Variants in ADAMTSL1 observed in about 807,000 individuals in gnomAD.
The protein encoded by ADAMTSL1 is ADAMTS-like protein 1.
Under a neutral mutation model 201.8 loss-of-function variants are expected in ADAMTSL1, and 126 were observed. That is an observed-to-expected ratio of 0.62 (90% CI 0.54 to 0.72). ADAMTSL1 has a LOEUF of 0.72. Ranked by LOEUF, ADAMTSL1 falls within the 30% of genes least tolerant of loss-of-function variation. The probability of loss-of-function intolerance (pLI) is 0.00; values close to 1 mark genes in which losing one functional copy is unlikely to be tolerated. For synonymous variants in ADAMTSL1, 1,121 were observed against 903.4 expected, an observed-to-expected ratio of 1.24 and a Z score of -4.32; for missense variants, 2,679 against 2,277.8, an observed-to-expected ratio of 1.18 and a Z score of -3.59.
chr9:18,030,814 G>A (rs1820919745), intron 1 of ADAMTSL1, among the ~76,000 whole-genome samples: 1 of 151,890 alleles, frequency 6.6e-6, no homozygotes, highest in Admixed American at 6.6e-5. Flanking sequence ...TCATAGGTTT[G>A]ATCTCTTTAC....
chr9:17,947,312 T>C (rs62550009), intron 1 of ADAMTSL1, among the ~76,000 whole-genome samples: 2,351 of 143,358 alleles, frequency 0.016, 41 homozygotes, highest in Middle Eastern at 0.04. Context: ...TATACACACA[T>C]ACACACACAC....
At chr9:18,166,676 C>T (rs10963485) in intron 2 of ADAMTSL1, among the ~76,000 whole-genome samples, 1 of 151,732 alleles carries the variant, frequency 6.6e-6, no homozygotes, top group African/African-American at 2.4e-5. Flanking sequence ...AACACCATGT[C>T]TCACTCCAGG....
At chr9:18,520,620 GTTAGTGCCTCTGGCACA>G (rs1818633622) in intron 2 of ADAMTSL1, among the ~76,000 whole-genome samples, 1 of 152,180 alleles carries the variant, frequency 6.6e-6, no homozygotes, top group Non-Finnish European at 1.5e-5. Flanking sequence ...CTAGGGCCTT[GTTAGTGCCTCTGGCACA>G]CTGGGATGAG....
rs1333252553 is a variant in ADAMTSL1, at chr9:18,909,764, C to G, written c.*1216C>G. On this transcript the variant is annotated 3_prime_UTR_variant, in exon 29 of 29. Coordinates refer to ENST00000380548, the MANE Select transcript of ADAMTSL1 (RefSeq NM_001040272.6). ...CGTGTCCACAGTACACCCTCCCTCTCCCAGCCTCCACCCCAGGGTCTGCAG... is the reference window on the plus strand; with the variant it reads ...CGTGTCCACAGTACACCCTCCCTCTGCCAGCCTCCACCCCAGGGTCTGCAG... The G allele has an allele frequency of 6.6e-6, 1 of 152,276 alleles. No individual in the cohort carries two copies. The highest frequency in any genetic ancestry group is 1.5e-5 in the Non-Finnish European group (1 of 68,118). The allele number at this position is 152,276 out of a possible 1,614,324, so 9.4% of individuals were successfully genotyped here.
chr9:18,758,349 G>A (rs1819886726), intron 16 of ADAMTSL1, among the ~76,000 whole-genome samples: 1 of 152,214 alleles, frequency 6.6e-6, no homozygotes, highest in South Asian at 2.1e-4. Context: ...CAGTTCATCT[G>A]TACGTTGGCT....
At chr9:17,982,995 G>A (rs1194772114) in intron 1 of ADAMTSL1, among the ~76,000 whole-genome samples, 1 of 150,876 alleles carries the variant, frequency 6.6e-6, no homozygotes, top group Non-Finnish European at 1.5e-5. Flanking sequence ...TTAGATTGGG[G>A]CTAGGCATTA....
chr9:18,771,760 G>A (rs1290846001), intron 17 of ADAMTSL1, among the ~76,000 whole-genome samples: 3 of 132,282 alleles, frequency 2.3e-5, no homozygotes, highest in African/African-American at 8.8e-5. Context: ...ACAGGAGGGA[G>A]CTGCTGCTGC....
At chr9:18,393,245 A>T (rs1228327211) in intron 2 of ADAMTSL1, among the ~76,000 whole-genome samples, 1 of 152,208 alleles carries the variant, frequency 6.6e-6, no homozygotes, top group South Asian at 2.1e-4. Flanking sequence ...GGGGTTTTTT[A>T]AATTAGAATT....
chr9:18,206,953 T>G (rs1381849163), intron 2 of ADAMTSL1, among the ~76,000 whole-genome samples: 1 of 151,730 alleles, frequency 6.6e-6, no homozygotes, highest in Admixed American at 6.6e-5. Context: ...TCACCTGAGG[T>G]CAGGAGTTTG....
chr9:18,210,822 T>C (rs981889360), intron 2 of ADAMTSL1, among the ~76,000 whole-genome samples: 1 of 151,868 alleles, frequency 6.6e-6, no homozygotes. Flanking sequence ...TTTCTTTAAA[T>C]AGTAATTGAG....
chr9:18,239,406 T>A (rs556136855), intron 2 of ADAMTSL1, among the ~76,000 whole-genome samples: 1 of 152,266 alleles, frequency 6.6e-6, no homozygotes, highest in South Asian at 2.1e-4. Flanking sequence ...TTCAAGAGAC[T>A]TCACAGCATC....
chr9:18,626,925 TCTTTCTTTCTTTC>T (rs1298362408), intron 5 of ADAMTSL1, among the ~76,000 whole-genome samples: 1 of 150,016 alleles, frequency 6.7e-6, no homozygotes, highest in African/African-American at 2.5e-5. Flanking sequence ...TTTTTCTTTT[TCTTTCTTTCTTTC>T]CTTTCTTTCT....
chr9:18,295,546 G>T (rs1833444461), intron 2 of ADAMTSL1, among the ~76,000 whole-genome samples: 1 of 151,982 alleles, frequency 6.6e-6, no homozygotes, highest in Admixed American at 6.6e-5. Flanking sequence ...CACCATTTTG[G>T]CCAGGATGGT....
At chr9:18,695,966 G>A (rs1382779125) in intron 13 of ADAMTSL1, among the ~76,000 whole-genome samples, 3 of 152,200 alleles carry the variant, frequency 2.0e-5, no homozygotes, top group Non-Finnish European at 4.4e-5. Flanking sequence ...CATGATGGAA[G>A]AGAAGGGGAA....
intron 4 of ADAMTSL1, among the ~76,000 whole-genome samples, chr9:18,575,035 T>G (rs1822620362): frequency 6.6e-6 from 1 of 152,224 alleles, no homozygotes; most frequent in Non-Finnish European, 1.5e-5. Context: ...TTATATTTCA[T>G]GAAGCAGACA....
At chr9:18,720,641 G>T (rs1005383264) in intron 14 of ADAMTSL1, among the ~76,000 whole-genome samples, 1 of 152,098 alleles carries the variant, frequency 6.6e-6, no homozygotes, top group Non-Finnish European at 1.5e-5. Flanking sequence ...AAATTAGCCG[G>T]CCATGGTGGC....
At chr9:17,954,159 C>T (rs553998748) in intron 1 of ADAMTSL1, among the ~76,000 whole-genome samples, 3 of 152,294 alleles carry the variant, frequency 2.0e-5, no homozygotes, top group South Asian at 2.1e-4. Context: ...GACTTTTTTA[C>T]AGCATGGGAA....
At chr9:18,803,464 G>A (rs371488060) in intron 20 of ADAMTSL1, among the ~76,000 whole-genome samples, 25 of 152,216 alleles carry the variant, frequency 1.6e-4, no homozygotes, top group African/African-American at 5.8e-4. Flanking sequence ...CCCATTTTAG[G>A]TTCAGCTGAT....
intron 2 of ADAMTSL1, among the ~76,000 whole-genome samples, chr9:18,271,340 C>A: frequency 6.6e-6 from 1 of 152,020 alleles, no homozygotes; most frequent in African/African-American, 2.4e-5. Flanking sequence ...ACTCCCCCCA[C>A]CCCACAACCC....
Sources: allele counts gnomAD v4.1 joint callset (sites outside exome capture counted in the v4.1 genomes callset), GRCh38; gene constraint gnomAD v4.1.1; transcripts MANE v1.5; gene names NCBI Gene and HGNC (gene_info 2026-07-23, HGNC 2026-07-21).